The following NR5A2 variants were observed in gnomAD, a reference collection of about 807,000 sequenced individuals.
The protein encoded by NR5A2 is nuclear receptor subfamily 5 group A member 2.
NR5A2 carries 26 observed loss-of-function variants against 62.7 expected under a neutral mutation model. The observed-to-expected ratio is 0.41, with a 90% CI of 0.30 to 0.58. NR5A2 has a LOEUF of 0.58. Ranked by LOEUF, NR5A2 falls within the 20% of genes least tolerant of loss-of-function variation. The pLI is 0.22. For missense variants in NR5A2, 541 were observed against 669.1 expected (o/e 0.81, Z 2.11); for synonymous variants, 246 against 241.7 (o/e 1.02, Z -0.16).
At chr1:200,075,597 C>T (rs755670926) in intron 5 of NR5A2, among the ~76,000 whole-genome samples, 2 of 152,208 alleles carry the variant, frequency 1.3e-5, no homozygotes, top group East Asian at 1.9e-4. Flanking sequence ...CTGTTGCGTG[C>T]ACTTGAAGGG....
chr1:200,050,873 C>A (rs1316560755), intron 5 of NR5A2, among the ~76,000 whole-genome samples: 2 of 152,140 alleles, frequency 1.3e-5, no homozygotes, highest in African/African-American at 4.8e-5. Context: ...GCCTGGGTGA[C>A]AAGAGCGAAA....
intron 1 of NR5A2, chr1:200,028,941 G>A: frequency 2.9e-6 from 1 of 349,756 alleles, no homozygotes; most frequent in South Asian, 2.1e-5. Flanking sequence ...TATATCACTT[G>A]AGGAAATGTT....
At chr1:200,158,539 G>A (rs1456058831) in intron 7 of NR5A2, among the ~76,000 whole-genome samples, 2 of 152,092 alleles carry the variant, frequency 1.3e-5, no homozygotes, top group African/African-American at 4.8e-5. Flanking sequence ...TTCTGATTCT[G>A]TTGCTGACTT....
At chr1:200,103,280 C>A (rs192515770) in intron 5 of NR5A2, among the ~76,000 whole-genome samples, 1 of 152,052 alleles carries the variant, frequency 6.6e-6, no homozygotes, top group Admixed American at 6.5e-5. Context: ...CATGCCACCA[C>A]GCTGGGCTAA....
chr1:200,077,482 G>C (rs953065824), intron 5 of NR5A2, among the ~76,000 whole-genome samples: 1 of 152,204 alleles, frequency 6.6e-6, no homozygotes, highest in Admixed American at 6.5e-5. Flanking sequence ...GGGAGGCCAA[G>C]GCAGGTGGAT....
chr1:200,087,094 T>G (rs551350717), intron 5 of NR5A2, among the ~76,000 whole-genome samples: 1 of 152,196 alleles, frequency 6.6e-6, no homozygotes, highest in African/African-American at 2.4e-5. Context: ...GTTTCTAAAG[T>G]AGCTGAAGGG....
At chr1:200,099,493 G>A (rs940162888) in intron 5 of NR5A2, among the ~76,000 whole-genome samples, 1 of 152,054 alleles carries the variant, frequency 6.6e-6, no homozygotes, top group African/African-American at 2.4e-5. Flanking sequence ...CCTTCATTGT[G>A]CATCTATTTT....
intron 5 of NR5A2, among the ~76,000 whole-genome samples, chr1:200,074,756 A>AAAAAAAAAAC (rs1304164782): frequency 1.5e-5 from 2 of 137,690 alleles, no homozygotes; most frequent in African/African-American, 5.4e-5. Context: ...AAAAAAAAAA[A>AAAAAAAAAAC]CACGAGAGAA....
chr1:200,064,230 C>G (rs1663369107), intron 5 of NR5A2, among the ~76,000 whole-genome samples: 1 of 152,096 alleles, frequency 6.6e-6, no homozygotes, highest in Non-Finnish European at 1.5e-5. Context: ...AAGTAGAACC[C>G]CTCCTGACAT....
At chr1:200,055,483 C>T (rs933107747) in intron 5 of NR5A2, among the ~76,000 whole-genome samples, 3 of 152,146 alleles carry the variant, frequency 2.0e-5, no homozygotes, top group African/African-American at 7.2e-5. Context: ...ACCACTGTGC[C>T]CAGCCAGCCC....
At chr1:200,092,745 A>G (rs3790826) in intron 5 of NR5A2, among the ~76,000 whole-genome samples, 14,569 of 151,944 alleles carry the variant, frequency 0.096, 922 homozygotes, top group East Asian at 0.26. Flanking sequence ...CTTTTCTACC[A>G]TGGGTTTATT....
At position 200,120,936 on chromosome 1, in the gene NR5A2, C is replaced by G; in HGVS notation, c.1359C>G (p.Phe453Leu). The G allele has an allele frequency of 1.2e-6, 2 of 1,613,884 alleles. No homozygotes were observed. Among genetic ancestry groups the G allele is most frequent in the Non-Finnish European group, 1.7e-6 (2 of 1,179,902 alleles). ...FDQREFVCLK[F>L]LVLFSLDVKN... ...AACGAGAGTTCGTATGTCTGAAATT[C>G]TTGGTGCTCTTTAGTTTAGGTAAGA... is the stretch of plus-strand genomic sequence containing the variant. The change falls in exon 7 of 8, where the codon TTC (phenylalanine) becomes TTG (leucine). Residue 453 changes from phenylalanine to leucine, a missense_variant. Transcript: ENST00000367362.
At chr1:200,070,846 G>A (rs1242674094) in intron 5 of NR5A2, among the ~76,000 whole-genome samples, 1 of 151,456 alleles carries the variant, frequency 6.6e-6, no homozygotes, top group Non-Finnish European at 1.5e-5. Context: ...GCCTGTGTAT[G>A]TACCTGAGCA....
chr1:200,154,850 T>C (rs10800673), intron 7 of NR5A2, among the ~76,000 whole-genome samples: 57,731 of 152,022 alleles, frequency 0.38, 13,321 homozygotes, highest in African/African-American at 0.66. Context: ...ACCCACGTCT[T>C]CTCTTCTGGC....
intron 5 of NR5A2, among the ~76,000 whole-genome samples, chr1:200,060,854 A>G (rs762035401): frequency 1.3e-5 from 2 of 151,664 alleles, no homozygotes; most frequent in Non-Finnish European, 2.9e-5. Flanking sequence ...CTGTAATCCC[A>G]ACACTTTGGG....
intron 7 of NR5A2, among the ~76,000 whole-genome samples, chr1:200,162,588 T>C (rs1374306709): frequency 2.0e-5 from 3 of 152,074 alleles, no homozygotes; most frequent in African/African-American, 7.2e-5. Flanking sequence ...GAAAATGCAT[T>C]TGGAGGCGGG....
Position 200,120,889 on chromosome 1 carries a change from C to T in NR5A2, c.1312C>T (p.Leu438Phe). ...TCATGCACAGGAGTTAGTGGCAAAA[C>T]TTCGTTCTCTCCAGTTTGATCAACG... Reference protein sequence around the residue: ...MSHAQELVAKLRSLQFDQREF... With the variant: ...MSHAQELVAKFRSLQFDQREF... The change falls in exon 7 of 8, where the codon CTT becomes TTT. Residue 438 changes from leucine (L) to phenylalanine (F), a missense_variant. Physicochemically the swap from Leu to Phe is conservative, Grantham distance 22. Transcript: ENST00000367362. 3 of 1,612,554 alleles carry T rather than the reference C, an allele frequency of 1.9e-6. No individual in the cohort carries two copies. The highest frequency in any genetic ancestry group is 8.5e-7 in the Non-Finnish European group (1 of 1,179,398).
In NR5A2 at chr1:200,039,612, C is replaced by T. The variant is rs745887677; in HGVS notation, c.65-46C>T. On this transcript the variant is annotated intron_variant, in intron 1 of 7. Transcript: ENST00000367362. The surrounding 1 kb of genome is among the most constrained non-coding windows in gnomAD (Gnocchi z 5.1). ...TGGGTTAGCAGGCATCCCGGTCGCC[C>T]CTTCCTTCTTTTCGCCGGAGTTGAA... 3 of 1,606,868 alleles carry T rather than the reference C, an allele frequency of 1.9e-6. No individual in the cohort carries two copies. In the East Asian group the frequency reaches 6.9e-5, roughly 37 times the overall value.
At chr1:200,128,162 C>T (rs1177116585) in intron 7 of NR5A2, among the ~76,000 whole-genome samples, 1 of 152,146 alleles carries the variant, frequency 6.6e-6, no homozygotes, top group East Asian at 1.9e-4. Flanking sequence ...TCAAGTCCCG[C>T]AGTCGGCCCT....
Sources: gnomAD v4.1 joint callset for allele counts (sites outside exome capture counted in the v4.1 genomes callset) on GRCh38, gnomAD v4.1.1 for gene constraint, Gnocchi (gnomAD v3.1) non-coding constraint, MANE v1.5 for transcripts, NCBI Gene and HGNC (gene_info 2026-07-23, HGNC 2026-07-21) for gene names.